Variants in C1orf146 observed in about 807,000 individuals in gnomAD.
C1orf146 encodes the protein chromosome 1 open reading frame 146.
A neutral mutation model predicts 23.0 loss-of-function variants in C1orf146; 22 were observed. That is an observed-to-expected ratio of 0.96 (90% CI 0.68 to 1.36). The LOEUF is 1.36. Ranked by LOEUF, C1orf146 falls within the 40% of genes most tolerant of loss-of-function variation. C1orf146 has a pLI of 0.00. For missense variants in C1orf146, 199 were observed against 206.8 expected (o/e 0.96, Z 0.23); for synonymous variants, 59 against 65.3 (o/e 0.90, Z 0.47).
intron 3 of C1orf146, among the ~76,000 whole-genome samples, chr1:92,242,884 A>C (rs1309263500): frequency 6.6e-6 from 1 of 152,188 alleles, no homozygotes; most frequent in African/African-American, 2.4e-5. Context: ...ATTTTTAAAA[A>C]GGTAGAGGTA....
chr1:92,230,313 TA>T (rs142760966), intron 1 of C1orf146, among the ~76,000 whole-genome samples: 35,488 of 142,014 alleles, frequency 0.25, 5,517 homozygotes, highest in East Asian at 0.85. Flanking sequence ...CACAATAAGT[TA>T]AAAAAAAAAA....
At chr1:92,227,541 AAAAAAT>A (rs1167931060) in intron 1 of C1orf146, among the ~76,000 whole-genome samples, 2 of 152,148 alleles carry the variant, frequency 1.3e-5, no homozygotes, top group Admixed American at 6.5e-5. Context: ...TCCATCTCAA[AAAAAAT>A]AAAAATAAAA....
chr1:92,230,834 C>T (rs529127780), intron 1 of C1orf146, among the ~76,000 whole-genome samples: 2 of 152,152 alleles, frequency 1.3e-5, no homozygotes, highest in Non-Finnish European at 2.9e-5. Flanking sequence ...TATAGTATTT[C>T]CCTCCATAGT....
chr1:92,221,224 G>A (rs1037150459), intron 1 of C1orf146, among the ~76,000 whole-genome samples: 1 of 152,144 alleles, frequency 6.6e-6, no homozygotes, highest in Non-Finnish European at 1.5e-5. Flanking sequence ...GTGAATTAGT[G>A]CATGAACAGA....
chr1:92,233,814 GAGGTCCT>G (rs1652197323), intron 2 of C1orf146, among the ~76,000 whole-genome samples: 1 of 152,166 alleles, frequency 6.6e-6, no homozygotes, highest in Non-Finnish European at 1.5e-5. Flanking sequence ...TCTCCTTGAA[GAGGTCCT>G]TCACATCCCT....
At position 92,219,496 on chromosome 1, in the gene C1orf146, C is replaced by CTTTTTTTTTT. The variant is rs71091269; in HGVS notation, c.-40+1464_-40+1473dup. Among the ~76,000 whole-genome samples, 108 of 81,100 alleles carry CTTTTTTTTTT rather than the reference C, an allele frequency of 1.3e-3. 2 individuals are homozygous for CTTTTTTTTTT. The highest frequency in any genetic ancestry group is 0.015 in the Middle Eastern group (1 of 66). The allele number at this position is 81,100 out of a possible 152,430, so 53.2% of individuals were successfully genotyped here. A position where few individuals can be genotyped will look rare whatever the true frequency, so the allele number is the denominator to read the frequency against. On this transcript the variant is annotated intron_variant, in intron 1 of 5. Coordinates refer to ENST00000370375, the MANE Select transcript of C1orf146 (RefSeq NM_001012425.2). The stretch of plus-strand genomic sequence containing the variant: ...CATCACTGAAAGTGACTTTCTCTTT[C>CTTTTTTTTTT]TTTTTTTTTTTTTTTTTTTTTTTTT...
chr1:92,229,043 G>A (rs1167226134), intron 1 of C1orf146: 3 of 485,724 alleles, frequency 6.2e-6, no homozygotes, highest in South Asian at 3.5e-5. Flanking sequence ...CAGTGGAGGG[G>A]CCCAACTTGT....
intron 2 of C1orf146, among the ~76,000 whole-genome samples, chr1:92,241,978 C>T (rs1214741407): frequency 6.6e-6 from 1 of 152,154 alleles, no homozygotes; most frequent in Non-Finnish European, 1.5e-5. Context: ...TCCTAAGTAA[C>T]ATAACTGTAG....
chr1:92,218,362 G>A (rs1052336645), intron 1 of C1orf146, among the ~76,000 whole-genome samples: 1 of 152,016 alleles, frequency 6.6e-6, no homozygotes, highest in South Asian at 2.1e-4. Context: ...CTTGTAGGCC[G>A]GCGCCTCACT....
intron 2 of C1orf146, among the ~76,000 whole-genome samples, chr1:92,232,880 T>C: frequency 1.3e-5 from 2 of 152,196 alleles, no homozygotes; most frequent in Non-Finnish European, 2.9e-5. Context: ...CATTTTTTCA[T>C]GTGTTTTTTG....
chr1:92,234,189 A>G (rs1296897628), intron 2 of C1orf146, among the ~76,000 whole-genome samples: 1 of 152,182 alleles, frequency 6.6e-6, no homozygotes, highest in Admixed American at 6.5e-5. Flanking sequence ...GTCTTGTGCC[A>G]GTTTTCAAAG....
intron 1 of C1orf146, among the ~76,000 whole-genome samples, chr1:92,225,472 TTA>T (rs1651943996): frequency 6.6e-6 from 1 of 152,216 alleles, no homozygotes; most frequent in Non-Finnish European, 1.5e-5. Context: ...TCATAAATTT[TTA>T]TGTTTTATGT....
chr1:92,225,436 C>T (rs1651943386), intron 1 of C1orf146, among the ~76,000 whole-genome samples: 1 of 152,120 alleles, frequency 6.6e-6, no homozygotes, highest in Admixed American at 6.5e-5. Context: ...TATGTGTTTC[C>T]CTCTAAGTAC....
At chr1:92,219,095 T>C (rs181486561) in intron 1 of C1orf146, among the ~76,000 whole-genome samples, 99 of 152,356 alleles carry the variant, frequency 6.5e-4, no homozygotes, top group African/African-American at 2.4e-3. Context: ...GGCACAAACA[T>C]ACATATCCAC....
chr1:92,236,597 T>C (rs1373190123), intron 2 of C1orf146, among the ~76,000 whole-genome samples: 1 of 152,152 alleles, frequency 6.6e-6, no homozygotes, highest in Non-Finnish European at 1.5e-5. Context: ...TTGGAGTTGC[T>C]CTTCTTGAGG....
At chr1:92,224,016 A>AT (rs141881117) in intron 1 of C1orf146, among the ~76,000 whole-genome samples, 46 of 12,358 alleles carry the variant, frequency 3.7e-3, no homozygotes, top group African/African-American at 0.017. Context: ...GTTTTATTTT[A>AT]TTTATTTATT....
At chr1:92,225,372 G>A (rs1220689675) in intron 1 of C1orf146, among the ~76,000 whole-genome samples, 1 of 152,142 alleles carries the variant, frequency 6.6e-6, no homozygotes, top group Non-Finnish European at 1.5e-5. Flanking sequence ...TCCCCAAAGT[G>A]TTGGGATTAC....
chr1:92,222,887 A>G lies in C1orf146; in HGVS notation c.-40+4839A>G, dbSNP rs147221904. On this transcript the variant is annotated intron_variant, in intron 1 of 5. Coordinates refer to ENST00000370375, the MANE Select transcript of C1orf146 (RefSeq NM_001012425.2). ...AGGTGTGAGCCACGGCGCCTGGCCT[A>G]TCGTTTGTATTTCTTATATAAAATA... Among the ~76,000 whole-genome samples, 1,464 of 152,048 alleles carry G rather than the reference A, an allele frequency of 9.6e-3. 21 individuals are homozygous for G. The highest frequency in any genetic ancestry group is 0.034 in the African/African-American group (1,416 of 41,462).
At chr1:92,223,438 C>T (rs1651886113) in intron 1 of C1orf146, among the ~76,000 whole-genome samples, 1 of 152,130 alleles carries the variant, frequency 6.6e-6, no homozygotes, top group Admixed American at 6.5e-5. Flanking sequence ...TTATTTGCCA[C>T]TTATATATCT....
Sources: allele counts gnomAD v4.1 joint callset (sites outside exome capture counted in the v4.1 genomes callset), GRCh38; gene constraint gnomAD v4.1.1; transcripts MANE v1.5; gene names NCBI Gene and HGNC (gene_info 2026-07-23, HGNC 2026-07-21).